The following CYS1 variants were observed in gnomAD, a reference collection of about 807,000 sequenced individuals.
The protein encoded by CYS1 is cystin 1.
In CYS1, 5 loss-of-function variants were observed where a neutral mutation model predicts 9.6. The ratio of observed to expected loss-of-function variants is 0.52; its 90% CI spans 0.27 to 1.10. CYS1 has a LOEUF of 1.10. Among genes scored for constraint, CYS1 ranks in the 50% least tolerant of loss-of-function variants. The probability of loss-of-function intolerance (pLI) is 0.11; values close to 1 mark genes in which losing one functional copy is unlikely to be tolerated. For synonymous variants in CYS1, 88 were observed against 95.7 expected (o/e 0.92, Z 0.47); for missense variants, 221 against 207.9 (o/e 1.06, Z -0.39).
chr2:10,072,949 G>A (rs370334541), intron 1 of CYS1, among the ~76,000 whole-genome samples: 17 of 150,708 alleles, frequency 1.1e-4, no homozygotes, highest in Admixed American at 5.3e-4. Context: ...TGGGGTCTGC[G>A]CGGGGGAGCA....
At chr2:10,062,422 TTTGC>T (rs1162378216) in intron 2 of CYS1, among the ~76,000 whole-genome samples, 1 of 149,834 alleles carries the variant, frequency 6.7e-6, no homozygotes, top group African/African-American at 2.5e-5. Context: ...GAGATGGAGT[TTTGC>T]TCTGTCACCC....
At chr2:10,072,999 T>TGCAGATGTGTGGGAGCAGA (rs368492969) in intron 1 of CYS1, among the ~76,000 whole-genome samples, 18 of 144,378 alleles carry the variant, frequency 1.2e-4, no homozygotes, top group Non-Finnish European at 2.4e-4. Context: ...GTGGGAGCAG[T>TGCAGATGTGTGGGAGCAGA]GCAGATGTGT....
In CYS1 at chr2:10,063,268, C is replaced by A. The variant is rs1002873009; in HGVS notation, c.371+2636G>T. ...GAGGGGACAGGGCAGGACCACATCA[C>A]GTGGACCTACTACAGGAGAGGCCAC... is the stretch of plus-strand genomic sequence containing the variant. On this transcript the variant is annotated intron_variant, in intron 2 of 2. Transcript: ENST00000381813. The surrounding 1 kb of genome is among the most constrained non-coding windows in gnomAD (Gnocchi z 4.2). Among the ~76,000 whole-genome samples, 2 of 152,106 alleles carry A rather than the reference C, an allele frequency of 1.3e-5. No individual in the cohort carries two copies. Among genetic ancestry groups the A allele is most frequent in the African/African-American group, 4.8e-5 (2 of 41,414 alleles).
chr2:10,065,275 T>C (rs537536805), intron 2 of CYS1, among the ~76,000 whole-genome samples: 9 of 152,170 alleles, frequency 5.9e-5, no homozygotes, highest in Non-Finnish European at 1.0e-4. Context: ...ATTTCCAAAC[T>C]TTTTCACTCC....
rs917423827 is a variant in CYS1 at position 10,076,195 on chromosome 2, T to A, written c.318+3711A>T. On this transcript the variant is annotated intron_variant, in intron 1 of 2. Coordinates refer to ENST00000381813, the MANE Select transcript of CYS1 (RefSeq NM_001037160.3). This position sits in a 1 kb window ranked among gnomAD's most constrained non-coding sequence, Gnocchi z 4.3. ...TCCATCTCAAAAATAAAATAAAAAT[T>A]AAAATTAAAATACTGAATCTATGTC... Among the ~76,000 whole-genome samples, 6 of 151,928 alleles carry A rather than the reference T, an allele frequency of 3.9e-5. No homozygotes were observed. Among genetic ancestry groups the A allele is most frequent in the Non-Finnish European group, 5.9e-5 (4 of 67,980 alleles).
In CYS1 at chr2:10,056,899, C is replaced by T. The variant is rs1289808273; in HGVS notation, c.*1954G>A. ...CTATTCAGAAGACACTTCCTGAATT[C>T]AGGAAAAATTTTTTTAAAAACCTGA... On this transcript the variant is annotated 3_prime_UTR_variant, in exon 3 of 3. Coordinates refer to ENST00000381813, the MANE Select transcript of CYS1 (RefSeq NM_001037160.3). 6.6e-6 allele frequency: 1 copy of T among 152,222 alleles called. No homozygotes were observed. The allele number at this position is 152,222 out of a possible 1,614,324, so 9.4% of individuals were successfully genotyped here.
chr2:10,076,581 G>C lies in CYS1; in HGVS notation c.318+3325C>G, dbSNP rs1296016219. 6.6e-6 allele frequency among the ~76,000 whole-genome samples: 1 copy of C among 152,154 alleles called. No individual in the cohort carries two copies. Among genetic ancestry groups the C allele is most frequent in the Non-Finnish European group, 1.5e-5 (1 of 68,038 alleles). Reference sequence around the variant, plus strand: ...ATCCCACCAAGCAGCACTTCCAGCAGCTGAGCACGCCCTCCGTCCTAAGCA... The same window carrying C: ...ATCCCACCAAGCAGCACTTCCAGCACCTGAGCACGCCCTCCGTCCTAAGCA... On this transcript the variant is annotated intron_variant, in intron 1 of 2. Transcript: ENST00000381813. The surrounding 1 kb of genome is among the most constrained non-coding windows in gnomAD (Gnocchi z 4.3).
chr2:10,074,478 G>C (rs1434405179), intron 1 of CYS1, among the ~76,000 whole-genome samples: 2 of 152,036 alleles, frequency 1.3e-5, no homozygotes, highest in Admixed American at 6.5e-5. Context: ...CCGCCACTGT[G>C]GATCCTTCTA....
chr2:10,073,506 G>A (rs1661802844), intron 1 of CYS1, among the ~76,000 whole-genome samples: 1 of 152,214 alleles, frequency 6.6e-6, no homozygotes, highest in South Asian at 2.1e-4. Flanking sequence ...AGTCATCTCG[G>A]ATTTCAGCAA....
chr2:10,067,305 A>G (rs1661711145), intron 1 of CYS1, among the ~76,000 whole-genome samples: 1 of 152,132 alleles, frequency 6.6e-6, no homozygotes, highest in African/African-American at 2.4e-5. Context: ...GGCGTGAGCC[A>G]CTGTGCCCAG....
At chr2:10,065,209 C>T (rs371657817) in intron 2 of CYS1, among the ~76,000 whole-genome samples, 1 of 152,172 alleles carries the variant, frequency 6.6e-6, no homozygotes, top group African/African-American at 2.4e-5. Flanking sequence ...GTTAAATAAG[C>T]GAGTTCAGCA....
rs1439858092 is a variant in CYS1, at chr2:10,057,576, C to A, written c.*1277G>T. 1 of 152,440 alleles carries A rather than the reference C, an allele frequency of 6.6e-6. No homozygotes were observed. The highest frequency in any genetic ancestry group is 1.5e-5 in the Non-Finnish European group (1 of 68,180). The allele number at this position is 152,440 out of a possible 1,614,324, so 9.4% of individuals were successfully genotyped here. Reference sequence around the variant, plus strand: ...CGTGTGGGCGGGTCAAGCCAGATAACCAGGCTTGTACTGGCTTCAGCAGAA... The same window carrying A: ...CGTGTGGGCGGGTCAAGCCAGATAAACAGGCTTGTACTGGCTTCAGCAGAA... On this transcript the variant is annotated 3_prime_UTR_variant, in exon 3 of 3. Coordinates refer to ENST00000381813, the MANE Select transcript of CYS1 (RefSeq NM_001037160.3).
chr2:10,062,467 C>G lies in CYS1; in HGVS notation c.371+3437G>C, dbSNP rs534083533. Reference sequence around the variant, plus strand: ...GGAGTGCAGTGGCGCACTCTGCGATCTCGGCTCATTGCAACCTCCCCATCA... The same window carrying G: ...GGAGTGCAGTGGCGCACTCTGCGATGTCGGCTCATTGCAACCTCCCCATCA... On this transcript the variant is annotated intron_variant, in intron 2 of 2. Transcript: ENST00000381813. Among the ~76,000 whole-genome samples, 19 of 152,128 alleles carry G rather than the reference C, an allele frequency of 1.2e-4. 1 individual carries two copies. Among genetic ancestry groups the G allele is most frequent in the African/African-American group, 4.3e-4 (18 of 41,498 alleles).
intron 1 of CYS1, among the ~76,000 whole-genome samples, chr2:10,068,575 G>A (rs963002179): frequency 1.3e-5 from 2 of 151,022 alleles, no homozygotes; most frequent in African/African-American, 2.4e-5. Context: ...AAACATAAGA[G>A]GTGCCTGGGT....
intron 1 of CYS1, among the ~76,000 whole-genome samples, chr2:10,069,082 T>C (rs555818133): frequency 5.9e-5 from 9 of 151,926 alleles, no homozygotes; most frequent in Non-Finnish European, 1.0e-4. Flanking sequence ...AAAATTAAAT[T>C]TTAAAAAATA....
intron 1 of CYS1, among the ~76,000 whole-genome samples, chr2:10,071,153 T>TA (rs1279666679): frequency 2.3e-4 from 35 of 152,246 alleles, no homozygotes; most frequent in Non-Finnish European, 4.4e-5. Context: ...TTTTAGTAGA[T>TA]ACGGGGTTTC....
intron 1 of CYS1, among the ~76,000 whole-genome samples, chr2:10,069,973 G>A (rs1661743540): frequency 6.6e-6 from 1 of 152,270 alleles, no homozygotes; most frequent in African/African-American, 2.4e-5. Flanking sequence ...GTGAGGGAAA[G>A]GCTGCCCCAG....
intron 2 of CYS1, among the ~76,000 whole-genome samples, chr2:10,065,106 A>G (rs1661677833): frequency 6.6e-6 from 1 of 151,868 alleles, no homozygotes; most frequent in Non-Finnish European, 1.5e-5. Flanking sequence ...ATTTCCCGAG[A>G]CCATGCCCCT....
rs867985250 is a variant in CYS1 at position 10,076,364 on chromosome 2, G to T, written c.318+3542C>A. Among the ~76,000 whole-genome samples, 1 of 151,944 alleles carries T rather than the reference G, an allele frequency of 6.6e-6. No individual in the cohort carries two copies. The highest frequency in any genetic ancestry group is 1.5e-5 in the Non-Finnish European group (1 of 68,002). On this transcript the variant is annotated intron_variant, in intron 1 of 2. Coordinates refer to ENST00000381813, the MANE Select transcript of CYS1 (RefSeq NM_001037160.3). This position sits in a 1 kb window ranked among gnomAD's most constrained non-coding sequence, Gnocchi z 4.3. ...CAGGTCCAGCAGCACCATCCCTACC[G>T]CCATCCACTACTGCTGCGCTGTAAA...
Sources: gnomAD v4.1 joint callset for allele counts (sites outside exome capture counted in the v4.1 genomes callset) on GRCh38, gnomAD v4.1.1 for gene constraint, Gnocchi (gnomAD v3.1) non-coding constraint, MANE v1.5 for transcripts, NCBI Gene and HGNC (gene_info 2026-07-23, HGNC 2026-07-21) for gene names.